The following SCHIP1 variants were observed in gnomAD, a reference collection of about 807,000 sequenced individuals.
SCHIP1 encodes the protein schwannomin interacting protein 1, also known as schwannomin-interacting protein 1.
SCHIP1 carries 8 observed loss-of-function variants against 29.7 expected under a neutral mutation model. The ratio of observed to expected loss-of-function variants is 0.27; its 90% CI spans 0.16 to 0.49. The LOEUF is 0.49. SCHIP1 is among the 20% of genes least tolerant of loss of function. The pLI is 0.99. For missense variants in SCHIP1, 193 were observed against 294.6 expected (o/e 0.66, Z 2.52); for synonymous variants, 76 against 94.9 (o/e 0.80, Z 1.16).
the SCHIP1 span, among the ~76,000 whole-genome samples, chr3:159,549,887 T>C: frequency 2.0e-5 from 3 of 152,160 alleles, no homozygotes. Flanking sequence ...TTGTATTTTG[T>C]CCAAAGTTTA....
At chr3:159,503,163 T>A in the SCHIP1 span, among the ~76,000 whole-genome samples, 1 of 152,200 alleles carries the variant, frequency 6.6e-6, no homozygotes, top group African/African-American at 2.4e-5. Context: ...GTAAATAGTA[T>A]CCCTTACAGG....
At chr3:159,408,301 A>C in the SCHIP1 span, among the ~76,000 whole-genome samples, 1 of 151,564 alleles carries the variant, frequency 6.6e-6, no homozygotes, top group Non-Finnish European at 1.5e-5. Context: ...CTATCTCAAA[A>C]TAATAATAAT....
chr3:159,681,082 C>T, the SCHIP1 span, among the ~76,000 whole-genome samples: 380 of 151,958 alleles, frequency 2.5e-3, no homozygotes, highest in Non-Finnish European at 4.2e-3. Context: ...CTGTGAACTA[C>T]GGGTCCCATG....
the SCHIP1 span, among the ~76,000 whole-genome samples, chr3:159,322,039 A>C: frequency 6.6e-6 from 1 of 151,874 alleles, no homozygotes; most frequent in Non-Finnish European, 1.5e-5. Flanking sequence ...TACAGGCTAC[A>C]TCTTTGCCAG....
the SCHIP1 span, among the ~76,000 whole-genome samples, chr3:159,643,870 C>T: frequency 6.6e-6 from 1 of 152,052 alleles, no homozygotes; most frequent in Non-Finnish European, 1.5e-5. Context: ...TCTGGGAAGT[C>T]CATTTCATTT....
chr3:159,329,256 C>A, the SCHIP1 span, among the ~76,000 whole-genome samples: 1 of 152,168 alleles, frequency 6.6e-6, no homozygotes, highest in African/African-American at 2.4e-5. Flanking sequence ...TTTCTCCTGC[C>A]CAGGGAGATA....
At chr3:159,851,212 G>T (rs1712591094) in intron 1 of SCHIP1, among the ~76,000 whole-genome samples, 1 of 152,082 alleles carries the variant, frequency 6.6e-6, no homozygotes, top group Non-Finnish European at 1.5e-5. Flanking sequence ...GATCACTTGA[G>T]CCTGGAGGTC....
chr3:159,587,856 C>T, the SCHIP1 span, among the ~76,000 whole-genome samples: 8 of 152,164 alleles, frequency 5.3e-5, no homozygotes, highest in East Asian at 1.9e-4. Flanking sequence ...ATTTTCTTAA[C>T]CCAGTCTATC....
At chr3:159,360,954 C>A in the SCHIP1 span, among the ~76,000 whole-genome samples, 2 of 152,170 alleles carry the variant, frequency 1.3e-5, no homozygotes, top group East Asian at 3.9e-4. Context: ...TCTCTATCCT[C>A]CTCAGACAAT....
At chr3:159,520,304 G>A in the SCHIP1 span, among the ~76,000 whole-genome samples, 1 of 152,104 alleles carries the variant, frequency 6.6e-6, no homozygotes, top group Non-Finnish European at 1.5e-5. Flanking sequence ...ATGGAGAAAA[G>A]GCAGGACCGG....
chr3:159,501,661 T>G, the SCHIP1 span, among the ~76,000 whole-genome samples: 1 of 152,214 alleles, frequency 6.6e-6, no homozygotes, highest in Non-Finnish European at 1.5e-5. Flanking sequence ...TTTTCTCAAA[T>G]TATGATTACT....
chr3:159,315,953 G>A, the SCHIP1 span, among the ~76,000 whole-genome samples: 40 of 152,120 alleles, frequency 2.6e-4, no homozygotes, highest in Non-Finnish European at 4.4e-4. Flanking sequence ...TATCTGTAAA[G>A]TGAGGAAATG....
chr3:159,712,094 A>G, the SCHIP1 span, among the ~76,000 whole-genome samples: 1 of 152,158 alleles, frequency 6.6e-6, no homozygotes, highest in Non-Finnish European at 1.5e-5. Context: ...GAACGCTGCT[A>G]CAAAAAACCC....
chr3:159,862,535 C>G (rs1206668743), intron 1 of SCHIP1, among the ~76,000 whole-genome samples: 3 of 152,132 alleles, frequency 2.0e-5, no homozygotes, highest in Non-Finnish European at 4.4e-5. Flanking sequence ...TACCTCTGGA[C>G]TGGGAAGAGT....
chr3:159,600,611 C>T, the SCHIP1 span, among the ~76,000 whole-genome samples: 2 of 151,908 alleles, frequency 1.3e-5, no homozygotes, highest in Non-Finnish European at 2.9e-5. Flanking sequence ...TTTCAGAATT[C>T]TTTTGTATCT....
chr3:159,879,023 CCTT>C (rs1716173362), intron 2 of SCHIP1, among the ~76,000 whole-genome samples: 1 of 150,990 alleles, frequency 6.6e-6, no homozygotes, highest in Admixed American at 6.6e-5. Context: ...CTGTTTTTAG[CCTT>C]CTTTCTTTTA....
chr3:159,519,973 C>T, the SCHIP1 span, among the ~76,000 whole-genome samples: 1 of 151,784 alleles, frequency 6.6e-6, no homozygotes, highest in Non-Finnish European at 1.5e-5. Flanking sequence ...GCACAACCCT[C>T]CATGGCAAAG....
the SCHIP1 span, among the ~76,000 whole-genome samples, chr3:159,626,126 A>G: frequency 2.4e-5 from 3 of 123,696 alleles, no homozygotes; most frequent in African/African-American, 5.2e-5. Flanking sequence ...AGATAGATAG[A>G]TAGATAGATA....
rs189821174 is a variant in SCHIP1 at position 159,858,428 on chromosome 3, C to T, written c.31-7735C>T. 2.3e-3 allele frequency among the ~76,000 whole-genome samples: 343 copies of T among 152,264 alleles called. 1 individual carries two copies. Among genetic ancestry groups the T allele is most frequent in the African/African-American group, 8.0e-3 (334 of 41,534 alleles). On this transcript the variant is annotated intron_variant, in intron 1 of 6. Transcript: ENST00000445224. ...ATTGTAAGTGGCTACTGAACTTTAACCCTAGGTGTTTGTTAAATACCTTTG... is the reference window on the plus strand; with the variant it reads ...ATTGTAAGTGGCTACTGAACTTTAATCCTAGGTGTTTGTTAAATACCTTTG...
Sources: gnomAD v4.1 joint callset for allele counts (sites outside exome capture counted in the v4.1 genomes callset) on GRCh38, gnomAD v4.1.1 for gene constraint, MANE v1.5 for transcripts, NCBI Gene and HGNC (gene_info 2026-07-23, HGNC 2026-07-21) for gene names.